TEX9: variants seen among roughly 807,000 people sequenced by gnomAD.
TEX9 encodes the protein testis-expressed protein 9.
In TEX9, 74 loss-of-function variants were observed where a neutral mutation model predicts 59.6. The observed-to-expected ratio is 1.24, with a 90% CI of 1.03 to 1.51. The LOEUF is 1.51. Among genes scored for constraint, TEX9 ranks in the 40% most tolerant of loss-of-function variants. TEX9 has a pLI of 0.00. For missense variants in TEX9, 522 were observed against 447.8 expected, an observed-to-expected ratio of 1.17 and a Z score of -1.49; for synonymous variants, 186 against 152.2, an observed-to-expected ratio of 1.22 and a Z score of -1.64.
At chr15:56,339,402 A>AAAAACAAAACAAAAC (rs2046327930) in intron 1 of TEX9, among the ~76,000 whole-genome samples, 1 of 79,480 alleles carries the variant, frequency 1.3e-5, no homozygotes, top group African/African-American at 3.0e-5. Flanking sequence ...AAAAAAAAAA[A>AAAAACAAAACAAAAC]AAAAAAAAAA....
At chr15:56,300,937 CTG>C (rs1219489350) in intron 1 of TEX9, among the ~76,000 whole-genome samples, 6 of 152,178 alleles carry the variant, frequency 3.9e-5, no homozygotes, top group Non-Finnish European at 1.5e-5. Flanking sequence ...TAACTCTTAA[CTG>C]CCCAGACACT....
intron 12 of TEX9, chr15:56,428,610 C>A: frequency 2.0e-6 from 1 of 501,830 alleles, no homozygotes; most frequent in Non-Finnish European, 3.5e-6. Flanking sequence ...GCTATTAGCT[C>A]TTTTTGAGTT....
intron 1 of TEX9, among the ~76,000 whole-genome samples, chr15:56,333,875 C>T (rs2046208087): frequency 6.6e-6 from 1 of 151,938 alleles, no homozygotes; most frequent in African/African-American, 2.4e-5. Flanking sequence ...ATTCCATCAG[C>T]AAACAATCTG....
intron 5 of TEX9, among the ~76,000 whole-genome samples, chr15:56,388,901 T>C (rs1190688344): frequency 1.3e-5 from 2 of 152,048 alleles, no homozygotes; most frequent in Non-Finnish European, 2.9e-5. Flanking sequence ...TAGAGATCAC[T>C]CTTCCAGGTG....
At chr15:56,442,424 A>G (rs1644272795) in intron 12 of TEX9, among the ~76,000 whole-genome samples, 1 of 152,184 alleles carries the variant, frequency 6.6e-6, no homozygotes, top group Non-Finnish European at 1.5e-5. Context: ...TTTTACCATA[A>G]TGACACATGC....
At chr15:56,283,425 C>A (rs771367041) in intron 1 of TEX9, among the ~76,000 whole-genome samples, 10 of 151,874 alleles carry the variant, frequency 6.6e-5, no homozygotes, top group Non-Finnish European at 1.5e-4. Context: ...ACCTTTTATA[C>A]CTTTTGGTGC....
At chr15:56,379,094 A>T (rs2047602263) in intron 3 of TEX9, among the ~76,000 whole-genome samples, 1 of 150,442 alleles carries the variant, frequency 6.6e-6, no homozygotes, top group Non-Finnish European at 1.5e-5. Context: ...AGAAAGAAAG[A>T]AAAAAAAAGA....
chr15:56,378,400 A>G (rs1404868312), intron 3 of TEX9, among the ~76,000 whole-genome samples: 1 of 139,738 alleles, frequency 7.2e-6, no homozygotes, highest in Admixed American at 6.8e-5. Flanking sequence ...CTTGTTACTT[A>G]TTATTGTTCT....
At chr15:56,357,666 G>A (rs1286966579) in intron 1 of TEX9, among the ~76,000 whole-genome samples, 1 of 152,024 alleles carries the variant, frequency 6.6e-6, no homozygotes, top group African/African-American at 2.4e-5. Flanking sequence ...CTAATTATCT[G>A]TTTATAATCT....
chr15:56,428,758 C>G (rs2050451784), intron 12 of TEX9: 1 of 349,306 alleles, frequency 2.9e-6, no homozygotes, highest in Admixed American at 4.4e-5. Flanking sequence ...ATTTCCCTGG[C>G]TAAATCAAGT....
At chr15:56,385,981 G>A (rs1008173649) in intron 4 of TEX9, among the ~76,000 whole-genome samples, 42 of 151,802 alleles carry the variant, frequency 2.8e-4, no homozygotes, top group Middle Eastern at 3.2e-3. Context: ...ATATATCCAC[G>A]AAAAAACCTG....
chr15:56,333,826 C>T (rs1312601996), intron 1 of TEX9, among the ~76,000 whole-genome samples: 1 of 152,078 alleles, frequency 6.6e-6, no homozygotes, highest in African/African-American at 2.4e-5. Context: ...AGTTAAGTTG[C>T]AGGATACAAA....
chr15:56,347,501 G>T (rs1268735787), intron 1 of TEX9, among the ~76,000 whole-genome samples: 6 of 151,690 alleles, frequency 4.0e-5, no homozygotes, highest in African/African-American at 1.5e-4. Context: ...TTCAACAAAT[G>T]GTTCCAGAGC....
rs770804569 is a variant in TEX9, at chr15:56,412,375, G to C, written c.902G>C (p.Arg301Thr). 3.7e-6 allele frequency: 6 copies of C among 1,613,450 alleles called. No homozygotes were observed. In the South Asian group the frequency reaches 6.6e-5, roughly 18 times the overall value. ...AGTGCCACAGAGGTTCGCTTGAATA[G>C]AGCTCTAGAAGAAGCAGAAAAGTAT... The change falls in exon 10 of 13, where the codon AGA becomes ACA. Residue 301 changes from arginine (R) to threonine (T), a missense_variant. Coordinates refer to ENST00000352903, the Ensembl canonical transcript of TEX9.
intron 1 of TEX9, among the ~76,000 whole-genome samples, chr15:56,277,307 G>GT (rs1329847220): frequency 6.6e-6 from 1 of 152,132 alleles, no homozygotes; most frequent in African/African-American, 2.4e-5. Context: ...ATGGTTTTAG[G>GT]TTTTACGTTT....
At chr15:56,384,140 A>T in intron 4 of TEX9, 109 bp downstream of exon 4, 1 of 810,228 alleles carries the variant, frequency 1.2e-6, no homozygotes, top group Non-Finnish European at 2.0e-6. Flanking sequence ...TTGAAGAATA[A>T]TGTATATATA....
chr15:56,401,627 C>T (rs528691317), intron 9 of TEX9, among the ~76,000 whole-genome samples: 1 of 152,272 alleles, frequency 6.6e-6, no homozygotes, highest in Non-Finnish European at 1.5e-5. Context: ...CTCAGCTCTG[C>T]ACAAAGCAGA....
At chr15:56,325,911 G>C (rs2046010216) in intron 1 of TEX9, among the ~76,000 whole-genome samples, 1 of 152,124 alleles carries the variant, frequency 6.6e-6, no homozygotes, top group Non-Finnish European at 1.5e-5. Flanking sequence ...TTTGCACAAG[G>C]TGCTTCAATG....
chr15:56,410,750 A>G (rs2049307259), intron 9 of TEX9, among the ~76,000 whole-genome samples: 1 of 152,198 alleles, frequency 6.6e-6, no homozygotes, highest in African/African-American at 2.4e-5. Context: ...TCAGCAGGCA[A>G]GAGGGGAAAG....
Sources: allele counts gnomAD v4.1 joint callset (sites outside exome capture counted in the v4.1 genomes callset), GRCh38; gene constraint gnomAD v4.1.1; transcripts MANE v1.5; gene names NCBI Gene and HGNC (gene_info 2026-07-23, HGNC 2026-07-21).